The following SYN2 variants were observed in gnomAD, a reference collection of about 807,000 sequenced individuals.
SYN2 encodes synapsin II, also known as synapsin-2.
A neutral mutation model predicts 50.9 loss-of-function variants in SYN2; 19 were observed. The observed-to-expected ratio is 0.37, with a 90% CI of 0.26 to 0.55. The LOEUF is 0.55. Among genes scored for constraint, SYN2 ranks in the 20% least tolerant of loss-of-function variants. The pLI, the probability that SYN2 is intolerant of heterozygous loss-of-function variation, is 0.81. For synonymous variants in SYN2, 255 were observed against 224.9 expected (o/e 1.13, Z -1.20); for missense variants, 587 against 576.4 (o/e 1.02, Z -0.19).
chr3:12,162,272 T>G, intron 7 of SYN2, 118 bp downstream of exon 7: 2 of 1,332,042 alleles, frequency 1.5e-6, no homozygotes, highest in South Asian at 3.1e-5. Flanking sequence ...TTTTTTTACC[T>G]GGGTTCCTTT....
intron 1 of SYN2, among the ~76,000 whole-genome samples, chr3:12,047,968 C>T (rs988215514): frequency 6.6e-6 from 1 of 152,158 alleles, no homozygotes; most frequent in Non-Finnish European, 1.5e-5. Flanking sequence ...TTCCTTGGTA[C>T]CTGATTGTGA....
intron 1 of SYN2, among the ~76,000 whole-genome samples, chr3:12,102,751 T>G (rs1286426733): frequency 6.6e-6 from 1 of 152,162 alleles, no homozygotes; most frequent in African/African-American, 2.4e-5. Flanking sequence ...CTTTGAGATG[T>G]TTTTAAATGA....
At chr3:12,144,736 A>C (rs756979531) in intron 3 of SYN2, among the ~76,000 whole-genome samples, 1 of 152,194 alleles carries the variant, frequency 6.6e-6, no homozygotes, top group Non-Finnish European at 1.5e-5. Context: ...GTACCATAAT[A>C]TTGGCCAGGC....
intron 1 of SYN2, among the ~76,000 whole-genome samples, chr3:12,124,921 C>A (rs1696634770): frequency 6.6e-6 from 1 of 152,012 alleles, no homozygotes; most frequent in African/African-American, 2.4e-5. Context: ...ATATTAAGAT[C>A]AATTAGCAAA....
At chr3:12,184,831 G>A (rs966001358) in intron 11 of SYN2, 7 of 985,618 alleles carry the variant, frequency 7.1e-6, no homozygotes, top group African/African-American at 1.7e-5. Flanking sequence ...CCAAGCAGCC[G>A]CCTCTAACAA....
intron 1 of SYN2, among the ~76,000 whole-genome samples, chr3:12,055,680 A>G (rs1694972320): frequency 1.3e-5 from 2 of 152,172 alleles, no homozygotes; most frequent in Admixed American, 6.5e-5. Context: ...AGTCTTTTAC[A>G]TATTTAGTTG....
chr3:12,055,595 G>A (rs1038536141), intron 1 of SYN2, among the ~76,000 whole-genome samples: 1 of 152,152 alleles, frequency 6.6e-6, no homozygotes, highest in African/African-American at 2.4e-5. Flanking sequence ...TTTAGAACAT[G>A]AACATGGTAT....
chr3:12,155,137 C>G (rs550372232), intron 5 of SYN2, among the ~76,000 whole-genome samples: 37 of 122,298 alleles, frequency 3.0e-4, no homozygotes, highest in African/African-American at 9.8e-4. Context: ...ACCTAGCTAG[C>G]CCATGCCTCT....
chr3:12,184,017 A>G, intron 11 of SYN2: 4 of 986,146 alleles, frequency 4.1e-6, no homozygotes, highest in Non-Finnish European at 4.8e-6. Context: ...ACTGAATTTG[A>G]AGGCATCCAC....
chr3:12,052,978 A>G (rs948611163), intron 1 of SYN2, among the ~76,000 whole-genome samples: 1 of 152,072 alleles, frequency 6.6e-6, no homozygotes, highest in Admixed American at 6.5e-5. Context: ...CATAATTTCC[A>G]TACATGTTGT....
chr3:12,115,911 G>A (rs569167824), intron 1 of SYN2, among the ~76,000 whole-genome samples: 2 of 152,216 alleles, frequency 1.3e-5, no homozygotes, highest in East Asian at 1.9e-4. Context: ...GCACCTCCTA[G>A]CATATAATAG....
intron 1 of SYN2, among the ~76,000 whole-genome samples, chr3:12,034,260 G>A (rs989536312): frequency 2.6e-5 from 4 of 152,072 alleles, no homozygotes; most frequent in African/African-American, 9.7e-5. Flanking sequence ...TCTCATTGTG[G>A]TTTTGGTTTG....
chr3:12,015,891 C>T (rs777898888), intron 1 of SYN2, among the ~76,000 whole-genome samples: 4 of 152,148 alleles, frequency 2.6e-5, no homozygotes, highest in African/African-American at 4.8e-5. Context: ...AACTATAATC[C>T]CTTTTCCAGG....
At chr3:12,079,470 T>G (rs1301692733) in intron 1 of SYN2, among the ~76,000 whole-genome samples, 1 of 152,128 alleles carries the variant, frequency 6.6e-6, no homozygotes, top group Non-Finnish European at 1.5e-5. Context: ...TTTTGAGATA[T>G]GTTACTTCAG....
chr3:12,130,148 G>GTA (rs1491043272), intron 1 of SYN2, among the ~76,000 whole-genome samples: 1 of 151,492 alleles, frequency 6.6e-6, no homozygotes, highest in African/African-American at 2.4e-5. Flanking sequence ...GTGTGTGTGT[G>GTA]TACATATATA....
In SYN2 at chr3:12,050,798, C is replaced by A. The variant is rs1375096432; in HGVS notation, c.377+45870C>A. On this transcript the variant is annotated intron_variant, in intron 1 of 12. Transcript: ENST00000621198. ...GGCCGGACTGTGGACTGCAGTGGCGCGATCTCGGCTCACTGCAAGCTCCGC... is the reference window on the plus strand; with the variant it reads ...GGCCGGACTGTGGACTGCAGTGGCGAGATCTCGGCTCACTGCAAGCTCCGC... 2.4e-5 allele frequency among the ~76,000 whole-genome samples: 3 copies of A among 127,068 alleles called. No individual in the cohort carries two copies. The East Asian group carries it at 8.6e-4, about 37-fold the overall frequency. The allele number at this position is 127,068 out of a possible 152,430, so 83.4% of individuals were successfully genotyped here. A position where few individuals can be genotyped will look rare whatever the true frequency, so the allele number is the denominator to read the frequency against.
intron 1 of SYN2, among the ~76,000 whole-genome samples, chr3:12,064,292 A>T (rs1695167109): frequency 6.6e-6 from 1 of 152,114 alleles, no homozygotes; most frequent in Admixed American, 6.6e-5. Flanking sequence ...CATGGTGATT[A>T]ATGTGGTATC....
At chr3:12,047,403 A>G (rs892331211) in intron 1 of SYN2, among the ~76,000 whole-genome samples, 4 of 152,188 alleles carry the variant, frequency 2.6e-5, no homozygotes, top group Non-Finnish European at 4.4e-5. Flanking sequence ...AGAAGGAAGG[A>G]TGATGGAAGG....
At position 12,169,826 on chromosome 3, in the gene SYN2, G is replaced by A; in HGVS notation, c.1228G>A (p.Val410Ile). Residue 410 changes from valine to isoleucine, a missense_variant, in exon 10 of 13, where the codon GTC becomes ATC. By Grantham distance (29) the Val-to-Ile change is conservative. Coordinates refer to ENST00000621198, the MANE Select transcript of SYN2 (RefSeq NM_133625.6). ...GGACAGGCAACTCATCACCGAACTA[G>A]TCATCAGCAAGATGAACCAGCTGCT... ...VEDRQLITEL[V>I]ISKMNQLLSR... is the part of the protein sequence containing the mutation. 6.2e-7 allele frequency: 1 copy of A among 1,613,928 alleles called. No individual in the cohort carries two copies. Among genetic ancestry groups the A allele is most frequent in the Non-Finnish European group, 8.5e-7 (1 of 1,179,858 alleles).
Sources: gnomAD v4.1 joint callset for allele counts (sites outside exome capture counted in the v4.1 genomes callset) on GRCh38, gnomAD v4.1.1 for gene constraint, MANE v1.5 for transcripts, NCBI Gene and HGNC (gene_info 2026-07-23, HGNC 2026-07-21) for gene names.